Variants in DGKB observed in about 807,000 individuals in gnomAD.
DGKB encodes the protein 90 kDa diacylglycerol kinase.
In DGKB, 67 loss-of-function variants were observed where a neutral mutation model predicts 114.3. The ratio of observed to expected loss-of-function variants is 0.59; its 90% CI spans 0.48 to 0.72. DGKB has a LOEUF of 0.72. Ranked by LOEUF, DGKB falls within the 30% of genes least tolerant of loss-of-function variation. The pLI is 0.00. For missense variants in DGKB, 907 were observed against 975.2 expected, an observed-to-expected ratio of 0.93 and a Z score of 0.93; for synonymous variants, 398 against 323.1, an observed-to-expected ratio of 1.23 and a Z score of -2.49.
intron 9 of DGKB, among the ~76,000 whole-genome samples, chr7:14,693,275 A>C (rs1252723901): frequency 2.0e-5 from 3 of 152,136 alleles, no homozygotes; most frequent in Non-Finnish European, 4.4e-5. Flanking sequence ...TAATTATTGC[A>C]TAACTATTAA....
At chr7:14,240,976 A>G (rs998001108) in intron 23 of DGKB, among the ~76,000 whole-genome samples, 1 of 152,118 alleles carries the variant, frequency 6.6e-6, no homozygotes, top group African/African-American at 2.4e-5. Flanking sequence ...TATGACTTTA[A>G]TATCAAGTCA....
At chr7:14,458,304 C>T (rs1390243551) in intron 21 of DGKB, among the ~76,000 whole-genome samples, 1 of 152,004 alleles carries the variant, frequency 6.6e-6, no homozygotes, top group African/African-American at 2.4e-5. Flanking sequence ...AATAGTGTAA[C>T]AATAAATAAA....
In DGKB at chr7:14,800,731, T is replaced by C. The variant is rs73070729; in HGVS notation, c.70+40463A>G. 1.5e-3 allele frequency among the ~76,000 whole-genome samples: 233 copies of C among 152,336 alleles called. 1 individual carries two copies. The Middle Eastern group carries it at 0.02, about 13-fold the overall frequency. On this transcript the variant is annotated intron_variant, in intron 2 of 25. Transcript: ENST00000402815. Reference sequence around the variant, plus strand: ...TTTCTACTGAACTGGAAGTTAAGACTGCCAGGCCACTTGGACTTTTCATGC... The same window carrying C: ...TTTCTACTGAACTGGAAGTTAAGACCGCCAGGCCACTTGGACTTTTCATGC...
chr7:14,939,482 T>C (rs1489525182), intron 1 of DGKB, among the ~76,000 whole-genome samples: 2 of 152,156 alleles, frequency 1.3e-5, no homozygotes, highest in Non-Finnish European at 2.9e-5. Flanking sequence ...TTCTAACTCT[T>C]GGAAATTGAG....
chr7:14,694,291 A>T, intron 8 of DGKB, 97 bp from the exon 9 acceptor site: 1 of 1,084,538 alleles, frequency 9.2e-7, no homozygotes, highest in South Asian at 1.5e-5. Flanking sequence ...CTAAGTGGAG[A>T]GTTGGGATAA....
At chr7:14,910,310 G>A (rs1431788892) in intron 1 of DGKB, among the ~76,000 whole-genome samples, 1 of 119,358 alleles carries the variant, frequency 8.4e-6, no homozygotes, top group Non-Finnish European at 1.8e-5. Flanking sequence ...AAGAAAGAAA[G>A]AAAGAACCTT....
intron 20 of DGKB, among the ~76,000 whole-genome samples, chr7:14,548,515 A>G (rs1460211709): frequency 6.6e-6 from 1 of 152,168 alleles, no homozygotes; most frequent in Non-Finnish European, 1.5e-5. Flanking sequence ...GTAAAGAGGA[A>G]ATTGGAGGAA....
chr7:14,535,158 A>C lies in DGKB; in HGVS notation c.1770+39054T>G, dbSNP rs150858490. On this transcript the variant is annotated intron_variant, in intron 20 of 25. Coordinates refer to ENST00000402815, the MANE Select transcript of DGKB (RefSeq NM_001350709.2). ...GCCAAAGTAGCAGGATTGTTAAGAC[A>C]AGGAGTTCAAGATTAGCCTTGTCAA... 7.8e-3 allele frequency among the ~76,000 whole-genome samples: 1,194 copies of C among 152,182 alleles called. 14 individuals are homozygous for C. The highest frequency in any genetic ancestry group is 0.026 in the African/African-American group (1,096 of 41,532).
At chr7:14,851,660 TAGC>T (rs958743029) in intron 1 of DGKB, among the ~76,000 whole-genome samples, 2 of 152,196 alleles carry the variant, frequency 1.3e-5, no homozygotes, top group African/African-American at 4.8e-5. Context: ...CTATACCTTA[TAGC>T]AGAAGTGATG....
chr7:14,668,271 TTAGAA>T (rs974567009), intron 13 of DGKB, among the ~76,000 whole-genome samples: 1 of 152,060 alleles, frequency 6.6e-6, no homozygotes, highest in African/African-American at 2.4e-5. Flanking sequence ...ATTAAGAACA[TTAGAA>T]TAGAATTGAG....
intron 1 of DGKB, among the ~76,000 whole-genome samples, chr7:14,973,678 T>A (rs1030480023): frequency 2.0e-5 from 3 of 150,334 alleles, no homozygotes; most frequent in Non-Finnish European, 3.0e-5. Context: ...TAATCATGTT[T>A]ATGCAACTAA....
chr7:14,574,295 A>T lies in DGKB; in HGVS notation c.1687T>A (p.Phe563Ile). 1 of 1,613,334 alleles carries T rather than the reference A, an allele frequency of 6.2e-7. No individual in the cohort carries two copies. Among genetic ancestry groups the T allele is most frequent in the South Asian group, 1.1e-5 (1 of 91,070 alleles). ...STEIMLDRWK[F>I]EVIPNDKDEK... ...TCTTTGTCATTAGGTATGACTTCAA[A>T]CTTCCACCTGTCCAACATGATTTCT... Residue 563 changes from phenylalanine (F) to isoleucine (I), a missense_variant, in exon 20 of 26, where the codon TTT becomes ATT. This residue lies in a region of DGKB where 814 missense variants were observed against 856.6 expected (regional missense o/e 0.95). Coordinates refer to ENST00000402815, the MANE Select transcript of DGKB (RefSeq NM_001350709.2).
intron 10 of DGKB, 151 bp downstream of exon 10, chr7:14,685,094 A>T: frequency 2.3e-6 from 1 of 438,160 alleles, no homozygotes; most frequent in East Asian, 3.4e-5. Context: ...TAACCTAAAT[A>T]TTCAAAAACA....
chr7:14,433,841 A>C (rs1828849056), intron 21 of DGKB, among the ~76,000 whole-genome samples: 1 of 152,294 alleles, frequency 6.6e-6, no homozygotes, highest in East Asian at 1.9e-4. Flanking sequence ...ATGGGACCCA[A>C]GTCTAAACAT....
chr7:14,714,303 G>T (rs1397642745), intron 6 of DGKB, among the ~76,000 whole-genome samples: 2 of 152,106 alleles, frequency 1.3e-5, no homozygotes, highest in South Asian at 2.1e-4. Flanking sequence ...TTCAGGGTTT[G>T]TCTGATGATA....
intron 2 of DGKB, among the ~76,000 whole-genome samples, chr7:14,808,247 T>A (rs1842994526): frequency 6.6e-6 from 1 of 152,002 alleles, no homozygotes; most frequent in Admixed American, 6.6e-5. Flanking sequence ...ATCCCAAAGG[T>A]GACAATATTT....
chr7:14,850,256 G>C (rs1027087533), intron 1 of DGKB, among the ~76,000 whole-genome samples: 1 of 152,176 alleles, frequency 6.6e-6, no homozygotes, highest in African/African-American at 2.4e-5. Context: ...AGTGAAGACT[G>C]ACTCATCAAC....
chr7:14,842,313 T>C (rs961094192), intron 1 of DGKB, among the ~76,000 whole-genome samples: 1 of 152,210 alleles, frequency 6.6e-6, no homozygotes, highest in Non-Finnish European at 1.5e-5. Context: ...TCAACATCTC[T>C]TTACTGTCTT....
chr7:14,512,725 A>G lies in DGKB; in HGVS notation c.1771-34500T>C, dbSNP rs893687076. Among the ~76,000 whole-genome samples the G allele has an allele frequency of 8.5e-5, 13 of 152,114 alleles. 1 individual carries two copies. The South Asian group carries it at 1.0e-3, about 12-fold the overall frequency. ...CTTTTTTTCTCTACTAAATGTGATT[A>G]GAAGGCTCCCTGTCCCTTATATATT... On this transcript the variant is annotated intron_variant, in intron 20 of 25. Transcript: ENST00000402815.
Sources: allele counts gnomAD v4.1 joint callset (sites outside exome capture counted in the v4.1 genomes callset), GRCh38; gene constraint gnomAD v4.1.1; regional missense constraint gnomAD v4.1.1; transcripts MANE v1.5; gene names NCBI Gene and HGNC (gene_info 2026-07-23, HGNC 2026-07-21).